Variants in HOXC6 observed in about 807,000 individuals in gnomAD.
HOXC6 encodes homeobox C6, also known as homeobox protein Hox-C6.
HOXC6 carries 10 observed loss-of-function variants against 24.0 expected under a neutral mutation model. The observed-to-expected ratio is 0.42, with a 90% CI of 0.26 to 0.71. The LOEUF (loss-of-function observed/expected upper bound fraction) is 0.71, where lower values mean the gene tolerates loss of function less well. Among genes scored for constraint, HOXC6 ranks in the 30% least tolerant of loss-of-function variants. The pLI is 0.28. For synonymous variants in HOXC6, 123 were observed against 128.1 expected (o/e 0.96, Z 0.27); for missense variants, 258 against 303.4 (o/e 0.85, Z 1.11).
At chr12:54,019,177 A>G (rs868611437) in intron 1 of HOXC6, among the ~76,000 whole-genome samples, 3 of 55,064 alleles carry the variant, frequency 5.4e-5, no homozygotes, top group Non-Finnish European at 1.2e-4. Context: ...CCCCTCCCCC[A>G]CCCCCCCACC....
chr12:54,028,710 C>G lies in HOXC6; in HGVS notation c.189C>G (p.Phe63Leu), dbSNP rs1192042610. Reference protein sequence around the residue: ...PFYSPQENVVFSSSRGPYDYG... With the variant: ...PFYSPQENVVLSSSRGPYDYG... ...ATTCGCCACAGGAGAATGTCGTGTT[C>G]AGTTCCAGCCGGGGGCCGTATGACT... Residue 63 changes from phenylalanine (F) to leucine (L), a missense_variant, in exon 1 of 2, where the codon TTC (phenylalanine) becomes TTG (leucine). Physicochemically the swap from Phe to Leu is conservative, Grantham distance 22. Coordinates refer to ENST00000243108, the MANE Select transcript of HOXC6 (RefSeq NM_004503.4). 1 of 1,614,088 alleles carries G rather than the reference C, an allele frequency of 6.2e-7. No individual in the cohort carries two copies. Among genetic ancestry groups the G allele is most frequent in the Non-Finnish European group, 8.5e-7 (1 of 1,180,008 alleles).
At chr12:54,024,928 C>G (rs1412184541), upstream of HOXC6, among the ~76,000 whole-genome samples, 1 of 152,240 alleles carries the variant, frequency 6.6e-6, no homozygotes, top group East Asian at 1.9e-4. Flanking sequence ...AAGCAAGTGG[C>G]AATTTTTCCC....
At chr12:54,026,135 G>T (rs1310202076), upstream of HOXC6, among the ~76,000 whole-genome samples, 4 of 152,164 alleles carry the variant, frequency 2.6e-5, no homozygotes, top group Non-Finnish European at 4.4e-5. Context: ...GGGGGGGACA[G>T]AGTTACTCTC....
upstream of HOXC6, among the ~76,000 whole-genome samples, chr12:54,026,936 T>TCC (rs60226451): frequency 2.6e-4 from 36 of 138,552 alleles, no homozygotes; most frequent in African/African-American, 6.9e-4. Context: ...TAGCCAGCTT[T>TCC]CCCCCCCCCC....
At chr12:54,028,393 G>A, upstream of HOXC6, 1 of 1,038,198 alleles carries the variant, frequency 9.6e-7, no homozygotes, top group Non-Finnish European at 1.4e-6. Context: ...CTGGGAGGGG[G>A]TCAGCTGACT....
chr12:54,028,360 C>G (rs1484060250), upstream of HOXC6: 1 of 683,534 alleles, frequency 1.5e-6, no homozygotes, highest in African/African-American at 1.8e-5. Context: ...TTTCCCCCTT[C>G]CTGACATCTG....
Position 54,029,892 on chromosome 12 carries a change from C to CGGA in HOXC6, c.638_639insGGA (p.Ala213_Thr214insAsp), listed in dbSNP as rs147247423. ...ACTCTCTCGGGGGGCGGCGGAGGGGCCACCGCCGACAGCCTGGGCGGAAAA... is the reference window on the plus strand; with the variant it reads ...ACTCTCTCGGGGGGCGGCGGAGGGGCGGACACCGCCGACAGCCTGGGCGGAAAA... On this transcript the variant is annotated inframe_insertion, in exon 2 of 2. Transcript: ENST00000243108. 1 of 1,603,890 alleles carries CGGA rather than the reference C, an allele frequency of 6.2e-7. No homozygotes were observed. Among genetic ancestry groups the CGGA allele is most frequent in the African/African-American group, 1.4e-5 (1 of 72,454 alleles).
rs557582576 is a variant in HOXC6 at position 54,018,294 on chromosome 12, G to A, written c.-193+880G>A. Among the ~76,000 whole-genome samples, 13 of 152,272 alleles carry A rather than the reference G, an allele frequency of 8.5e-5. 1 individual carries two copies. Among genetic ancestry groups the A allele is most frequent in the African/African-American group, 3.1e-4 (13 of 41,570 alleles). On this transcript the variant is annotated intron_variant, in intron 1 of 2. Transcript: ENST00000394331. ...TCCCAGCCGGGATGCCCACTGGACC[G>A]GGATGCCCGCTCGCCACGCATGGCT...
chr12:54,016,909 G>C (rs1178625176), exon 1 of HOXC6: 3 of 152,212 alleles, frequency 2.0e-5, no homozygotes, highest in Non-Finnish European at 4.4e-5. Context: ...CTCCCTGTAA[G>C]AGCCTAACCA....
intron 1 of HOXC6, among the ~76,000 whole-genome samples, chr12:54,023,284 G>T (rs180800157): frequency 6.6e-6 from 1 of 152,194 alleles, no homozygotes; most frequent in Non-Finnish European, 1.5e-5. Flanking sequence ...CCTATTTTAC[G>T]TTTTAACCTT....
chr12:54,030,143 C>T lies in HOXC6; in HGVS notation c.*181C>T. On this transcript the variant is annotated 3_prime_UTR_variant, in exon 2 of 2. Coordinates refer to ENST00000243108, the MANE Select transcript of HOXC6 (RefSeq NM_004503.4). ...CTGGACCCCCTCCCTCACCGCACAA[C>T]TCTCTTTCACCACGCGCCTCCTCCT... 1 of 586,474 alleles carries T rather than the reference C, an allele frequency of 1.7e-6. No homozygotes were observed. The highest frequency in any genetic ancestry group is 2.9e-6 in the Non-Finnish European group (1 of 339,816). The allele number at this position is 586,474 out of a possible 1,614,324, so 36.3% of individuals were successfully genotyped here.
intron 1 of HOXC6, among the ~76,000 whole-genome samples, chr12:54,019,686 C>T (rs1940341953): frequency 6.6e-6 from 1 of 152,064 alleles, no homozygotes; most frequent in Non-Finnish European, 1.5e-5. Flanking sequence ...ACCCGAGGGG[C>T]GGGCCTGGGC....
rs1199277566 is a variant in HOXC6, at chr12:54,030,657, A to G, written c.*695A>G. Reference sequence around the variant, plus strand: ...ATCCAATTTCAAAAAAGGAAAAAAAAGAGGGAAAATTACAAAAAGAGAGAA... The same window carrying G: ...ATCCAATTTCAAAAAAGGAAAAAAAGGAGGGAAAATTACAAAAAGAGAGAA... On this transcript the variant is annotated 3_prime_UTR_variant, in exon 2 of 2. Transcript: ENST00000243108. 1 of 152,698 alleles carries G rather than the reference A, an allele frequency of 6.5e-6. No homozygotes were observed. The highest frequency in any genetic ancestry group is 2.4e-5 in the African/African-American group (1 of 41,466). 9.5% of individuals were successfully genotyped at this position (152,698 alleles called of 1,614,324 possible).
upstream of HOXC6, chr12:54,028,409 AT>A: frequency 8.1e-7 from 1 of 1,230,224 alleles, no homozygotes; most frequent in Non-Finnish European, 1.1e-6. Context: ...TGACTTTGTC[AT>A]TTTGTCTGTC....
At position 54,029,411 on chromosome 12, in the gene HOXC6, GCC is replaced by G. The variant is rs1296757845; in HGVS notation, c.401-234_401-233del. ...TGTTTGCCTTTTGCCCCGCCCCCCCGCCCCCCCCCCCACCACACACCTTTCTT... is the reference window on the plus strand; with the variant it reads ...TGTTTGCCTTTTGCCCCGCCCCCCCGCCCCCCCCCACCACACACCTTTCTT... On this transcript the variant is annotated intron_variant, in intron 1 of 1. Transcript: ENST00000243108. 8.8e-4 allele frequency among the ~76,000 whole-genome samples: 68 copies of G among 76,922 alleles called. 1 individual carries two copies. The highest frequency in any genetic ancestry group is 2.9e-3 in the African/African-American group (66 of 22,888). 50.5% of individuals were successfully genotyped at this position (76,922 alleles called of 152,430 possible). A position where few individuals can be genotyped will look rare whatever the true frequency, so the allele number is the denominator to read the frequency against.
chr12:54,019,582 G>T (rs1940337729), intron 1 of HOXC6, among the ~76,000 whole-genome samples: 1 of 152,160 alleles, frequency 6.6e-6, no homozygotes, highest in Admixed American at 6.5e-5. Flanking sequence ...GGGAACACAA[G>T]TGTCCTTTGT....
chr12:54,023,129 A>G (rs1283343029), intron 1 of HOXC6, among the ~76,000 whole-genome samples: 5 of 152,158 alleles, frequency 3.3e-5, no homozygotes, highest in African/African-American at 1.2e-4. Flanking sequence ...GCTCTCCCCA[A>G]GCCCCCTCCT....
chr12:54,026,064 A>G (rs568524865), upstream of HOXC6, among the ~76,000 whole-genome samples: 1 of 152,338 alleles, frequency 6.6e-6, no homozygotes, highest in South Asian at 2.1e-4. Flanking sequence ...ACAATTTAAT[A>G]TCTTGAAGGA....
intron 1 of HOXC6, chr12:54,021,664 C>T (rs1177770664): frequency 2.6e-5 from 4 of 152,314 alleles, no homozygotes; most frequent in African/African-American, 9.7e-5. Flanking sequence ...TTCCTCCCGC[C>T]CTTCAAGGAG....
Sources: gnomAD v4.1 joint callset for allele counts (sites outside exome capture counted in the v4.1 genomes callset) on GRCh38, gnomAD v4.1.1 for gene constraint, MANE v1.5 for transcripts, NCBI Gene and HGNC (gene_info 2026-07-23, HGNC 2026-07-21) for gene names.